The following DCDC2 variants were observed in gnomAD, a reference collection of about 807,000 sequenced individuals.
DCDC2 encodes the protein doublecortin domain-containing protein 2.
Under a neutral mutation model 50.2 loss-of-function variants are expected in DCDC2, and 40 were observed. That is an observed-to-expected ratio of 0.80 (90% CI 0.62 to 1.04). The LOEUF is 1.04. Ranked by LOEUF, DCDC2 falls within the 50% of genes least tolerant of loss-of-function variation. DCDC2 has a pLI of 0.00. For synonymous variants in DCDC2, 234 were observed against 210.6 expected (o/e 1.11, Z -0.96); for missense variants, 570 against 581.9 (o/e 0.98, Z 0.21).
chr6:24,279,188 T>C lies in DCDC2; in HGVS notation c.760-977A>G, dbSNP rs368974491. ...CTACTGCAAGGAACAGCTGTGCTGA[T>C]ACTGAGCCACTGCTACAGCAAGAAA... On this transcript the variant is annotated intron_variant, in intron 6 of 9. Transcript: ENST00000378454. Among the ~76,000 whole-genome samples the C allele has an allele frequency of 5.0e-4, 76 of 152,306 alleles. 1 individual carries two copies. Among genetic ancestry groups the C allele is most frequent in the African/African-American group, 1.8e-3 (75 of 41,574 alleles).
intron 7 of DCDC2, among the ~76,000 whole-genome samples, chr6:24,275,005 T>G (rs1034031813): frequency 6.6e-6 from 1 of 151,830 alleles, no homozygotes; most frequent in Non-Finnish European, 1.5e-5. Context: ...GAAAAAGCCA[T>G]GTAAATTTTA....
At chr6:24,189,182 G>A (rs1761264555) in intron 8 of DCDC2, among the ~76,000 whole-genome samples, 1 of 152,088 alleles carries the variant, frequency 6.6e-6, no homozygotes, top group Non-Finnish European at 1.5e-5. Flanking sequence ...TGAGAAAATG[G>A]TTGATTTGTA....
chr6:24,178,723 G>T, intron 8 of DCDC2, 91 bp from the exon 9 acceptor site: 1 of 1,257,814 alleles, frequency 8.0e-7, no homozygotes, highest in Non-Finnish European at 1.1e-6. Context: ...TTATATTACA[G>T]TCAAGTAAAA....
At chr6:24,201,966 G>C (rs974979426) in intron 8 of DCDC2, among the ~76,000 whole-genome samples, 1 of 151,780 alleles carries the variant, frequency 6.6e-6, no homozygotes. Flanking sequence ...ATAGACCGAT[G>C]ATAAATTCTG....
intron 7 of DCDC2, among the ~76,000 whole-genome samples, chr6:24,220,423 C>T (rs979704375): frequency 1.3e-5 from 2 of 152,056 alleles, no homozygotes; most frequent in African/African-American, 2.4e-5. Flanking sequence ...GGTCAAGAAG[C>T]GGAGAAGAAA....
intron 2 of DCDC2, among the ~76,000 whole-genome samples, chr6:24,302,947 G>A (rs778006102): frequency 6.6e-6 from 1 of 151,860 alleles, no homozygotes; most frequent in African/African-American, 2.4e-5. Flanking sequence ...CAGTAGACAC[G>A]AAGCCCCTCA....
intron 7 of DCDC2, among the ~76,000 whole-genome samples, chr6:24,256,234 G>A (rs1406745655): frequency 6.7e-6 from 1 of 149,748 alleles, no homozygotes; most frequent in Non-Finnish European, 1.5e-5. Context: ...GTGATATCTA[G>A]ACTAAAGATG....
intron 8 of DCDC2, among the ~76,000 whole-genome samples, chr6:24,198,237 G>A (rs1186469058): frequency 1.3e-5 from 2 of 150,158 alleles, no homozygotes; most frequent in African/African-American, 4.9e-5. Context: ...GAACAGCTCT[G>A]GTTTGCAGCT....
At chr6:24,310,516 C>A (rs1178699655) in intron 2 of DCDC2, among the ~76,000 whole-genome samples, 1 of 152,122 alleles carries the variant, frequency 6.6e-6, no homozygotes, top group Non-Finnish European at 1.5e-5. Flanking sequence ...TATTTCCCCC[C>A]AAGAATTCCA....
At chr6:24,201,702 A>G (rs1235956680) in intron 8 of DCDC2, among the ~76,000 whole-genome samples, 5 of 152,230 alleles carry the variant, frequency 3.3e-5, no homozygotes, top group Non-Finnish European at 7.3e-5. Flanking sequence ...CAAAAAATCA[A>G]TGCATCCAGG....
chr6:24,312,460 TA>T (rs941541376), intron 2 of DCDC2, among the ~76,000 whole-genome samples: 3 of 135,712 alleles, frequency 2.2e-5, no homozygotes, highest in African/African-American at 8.4e-5. Flanking sequence ...TATATAATAA[TA>T]TTTTTTTTTA....
chr6:24,175,447 T>C (rs1289308461), intron 9 of DCDC2, among the ~76,000 whole-genome samples: 1 of 152,160 alleles, frequency 6.6e-6, no homozygotes, highest in Non-Finnish European at 1.5e-5. Context: ...ACCAGCAGGT[T>C]TGCAAAGTCT....
In DCDC2 at chr6:24,357,447, G is replaced by T; in HGVS notation, c.293+11C>A. 6.3e-7 allele frequency: 1 copy of T among 1,587,610 alleles called. No individual in the cohort carries two copies. Among genetic ancestry groups the T allele is most frequent in the Non-Finnish European group, 8.6e-7 (1 of 1,165,488 alleles). On this transcript the variant is annotated intron_variant, in intron 1 of 9. Coordinates refer to ENST00000378454, the MANE Select transcript of DCDC2 (RefSeq NM_016356.5). ...ACCTAAATGGGTGGGCGGTGGGGGA[G>T]ACCGACTCACTTGAGTTTCTTGAAG...
chr6:24,209,908 T>G (rs1237822330), intron 7 of DCDC2, among the ~76,000 whole-genome samples: 1 of 152,176 alleles, frequency 6.6e-6, no homozygotes. Flanking sequence ...CTATCTTCTA[T>G]AACAGCACCC....
the DCDC2 span, among the ~76,000 whole-genome samples, chr6:24,376,454 C>A: frequency 6.6e-6 from 1 of 152,080 alleles, no homozygotes; most frequent in East Asian, 1.9e-4. Context: ...GGGGCCAGCA[C>A]TTGGCTGCAC....
chr6:24,234,727 G>A (rs1762408470), intron 7 of DCDC2, among the ~76,000 whole-genome samples: 1 of 152,206 alleles, frequency 6.6e-6, no homozygotes, highest in Non-Finnish European at 1.5e-5. Flanking sequence ...GATATAGACA[G>A]TTTTAGAGTA....
At chr6:24,185,419 A>G (rs929704243) in intron 8 of DCDC2, among the ~76,000 whole-genome samples, 3 of 152,250 alleles carry the variant, frequency 2.0e-5, no homozygotes, top group Admixed American at 6.5e-5. Context: ...ATCAATTTAA[A>G]TAAGACGGTA....
At chr6:24,272,277 G>A (rs62400402) in intron 7 of DCDC2, among the ~76,000 whole-genome samples, 6,614 of 152,118 alleles carry the variant, frequency 0.043, 146 homozygotes, top group African/African-American at 0.052. Flanking sequence ...AAGACCTCTC[G>A]CTGTACTAGA....
upstream of DCDC2, among the ~76,000 whole-genome samples, chr6:24,360,317 C>G (rs1760645267): frequency 6.6e-6 from 1 of 152,176 alleles, no homozygotes. Flanking sequence ...TCATCATGCG[C>G]TCATTCAGTA....
Sources: gnomAD v4.1 joint callset for allele counts (sites outside exome capture counted in the v4.1 genomes callset) on GRCh38, gnomAD v4.1.1 for gene constraint, MANE v1.5 for transcripts, NCBI Gene and HGNC (gene_info 2026-07-23, HGNC 2026-07-21) for gene names.